BMPR1B: variants seen among roughly 807,000 people sequenced by gnomAD.
BMPR1B encodes the protein bone morphogenetic protein receptor type 1B.
A neutral mutation model predicts 59.1 loss-of-function variants in BMPR1B; 12 were observed. The ratio of observed to expected loss-of-function variants is 0.20; its 90% CI spans 0.13 to 0.33. The LOEUF is 0.33. Ranked by LOEUF, BMPR1B falls within the 10% of genes least tolerant of loss-of-function variation. The pLI is 1.00. For missense variants in BMPR1B, 550 were observed against 610.9 expected (o/e 0.90, Z 1.05); for synonymous variants, 237 against 207.3 (o/e 1.14, Z -1.23).
chr4:94,870,722 C>T (rs1726454416), intron 1 of BMPR1B, among the ~76,000 whole-genome samples: 1 of 152,062 alleles, frequency 6.6e-6, no homozygotes, highest in Non-Finnish European at 1.5e-5. Flanking sequence ...CAAAAATTAG[C>T]CTCTATTAGC....
At chr4:95,042,103 G>T (rs529435031) in intron 3 of BMPR1B, among the ~76,000 whole-genome samples, 1 of 152,036 alleles carries the variant, frequency 6.6e-6, no homozygotes, top group Non-Finnish European at 1.5e-5. Flanking sequence ...TGATCCACCC[G>T]CCTCGGCCTC....
chr4:95,026,166 T>TTCTTTCTTTCTTTC (rs1421730449), intron 3 of BMPR1B, among the ~76,000 whole-genome samples: 1 of 30,508 alleles, frequency 3.3e-5, no homozygotes, highest in Admixed American at 4.0e-4. Flanking sequence ...TTCTTTCTCT[T>TTCTTTCTTTCTTTC]TTTCTCTTTC....
At chr4:95,140,275 A>G (rs1046204665) in intron 10 of BMPR1B, among the ~76,000 whole-genome samples, 1 of 152,158 alleles carries the variant, frequency 6.6e-6, no homozygotes, top group Non-Finnish European at 1.5e-5. Context: ...TTAACTTTTA[A>G]TGGATAAATG....
intron 1 of BMPR1B, among the ~76,000 whole-genome samples, chr4:94,860,516 A>G (rs756119135): frequency 6.6e-6 from 1 of 152,202 alleles, no homozygotes; most frequent in Non-Finnish European, 1.5e-5. Context: ...GAAAATTTTT[A>G]AAAACTGAGG....
intron 3 of BMPR1B, among the ~76,000 whole-genome samples, chr4:95,066,876 G>A (rs1727848720): frequency 6.6e-6 from 1 of 152,168 alleles, no homozygotes; most frequent in Non-Finnish European, 1.5e-5. Flanking sequence ...TCAATGGCAG[G>A]TGAATAACAG....
chr4:95,089,895 G>A (rs1362793190), intron 3 of BMPR1B, among the ~76,000 whole-genome samples: 2 of 151,960 alleles, frequency 1.3e-5, no homozygotes, highest in African/African-American at 4.8e-5. Flanking sequence ...ATATATCCAG[G>A]TTCCAATTCA....
At chr4:94,802,108 T>C (rs1439052792) in intron 1 of BMPR1B, among the ~76,000 whole-genome samples, 2 of 152,178 alleles carry the variant, frequency 1.3e-5, no homozygotes, top group Non-Finnish European at 2.9e-5. Flanking sequence ...AAGAAGTGTT[T>C]TGTATTTAGT....
intron 2 of BMPR1B, among the ~76,000 whole-genome samples, chr4:94,937,982 G>A (rs1335022756): frequency 1.3e-5 from 2 of 152,130 alleles, no homozygotes; most frequent in African/African-American, 2.4e-5. Flanking sequence ...TAGTGTAAAG[G>A]CAGATGTTGA....
intron 2 of BMPR1B, among the ~76,000 whole-genome samples, chr4:94,890,494 A>T (rs887486241): frequency 2.0e-5 from 3 of 152,152 alleles, no homozygotes; most frequent in Non-Finnish European, 4.4e-5. Context: ...ACATGAGTGT[A>T]ATTATGACCT....
chr4:94,767,483 CAGTA>C (rs1160227438), intron 1 of BMPR1B, among the ~76,000 whole-genome samples: 5 of 152,118 alleles, frequency 3.3e-5, no homozygotes, highest in African/African-American at 1.2e-4. Flanking sequence ...ATAAATGTGT[CAGTA>C]AGTTGTTTTC....
At chr4:94,921,559 A>G (rs896397156) in intron 2 of BMPR1B, among the ~76,000 whole-genome samples, 2 of 152,056 alleles carry the variant, frequency 1.3e-5, no homozygotes, top group South Asian at 2.1e-4. Context: ...GAGGTACTCC[A>G]CACTTTTAAA....
chr4:95,120,920 C>T (rs949309235), intron 6 of BMPR1B, among the ~76,000 whole-genome samples: 1 of 151,884 alleles, frequency 6.6e-6, no homozygotes, highest in Non-Finnish European at 1.5e-5. Flanking sequence ...GCAATTCTCC[C>T]GACTCAGCCT....
At chr4:94,827,483 G>A (rs17022328) in intron 1 of BMPR1B, among the ~76,000 whole-genome samples, 42,143 of 151,914 alleles carry the variant, frequency 0.28, 6,345 homozygotes, top group East Asian at 0.4. Flanking sequence ...TCTTGATACA[G>A]GTTCAACAAA....
intron 2 of BMPR1B, among the ~76,000 whole-genome samples, chr4:94,983,873 C>A (rs1157102706): frequency 6.6e-6 from 1 of 152,276 alleles, no homozygotes; most frequent in Admixed American, 6.5e-5. Flanking sequence ...TAGCTTTTAG[C>A]CTCACTGGGA....
chr4:94,869,505 C>G (rs561498730), intron 1 of BMPR1B, among the ~76,000 whole-genome samples: 1 of 152,244 alleles, frequency 6.6e-6, no homozygotes, highest in East Asian at 1.9e-4. Flanking sequence ...TTATGCTATT[C>G]AGATAACATG....
chr4:95,022,048 G>T (rs1270521099), intron 3 of BMPR1B, among the ~76,000 whole-genome samples: 2 of 152,170 alleles, frequency 1.3e-5, no homozygotes, highest in Non-Finnish European at 2.9e-5. Flanking sequence ...GAAGAAATAG[G>T]ACGGGCGCAG....
chr4:95,041,578 CAG>C (rs1725655404), intron 3 of BMPR1B, among the ~76,000 whole-genome samples: 1 of 151,098 alleles, frequency 6.6e-6, no homozygotes, highest in Non-Finnish European at 1.5e-5. Flanking sequence ...ACCAGCCTCC[CAG>C]ATTCTTGGAG....
At chr4:95,142,244 G>A (rs1166429534) in intron 10 of BMPR1B, among the ~76,000 whole-genome samples, 1 of 152,138 alleles carries the variant, frequency 6.6e-6, no homozygotes, top group Admixed American at 6.5e-5. Context: ...CTATCTCCAG[G>A]ATGCCACAGG....
At chr4:94,973,889 A>T (rs1730908488) in intron 2 of BMPR1B, among the ~76,000 whole-genome samples, 1 of 152,174 alleles carries the variant, frequency 6.6e-6, no homozygotes, top group African/African-American at 2.4e-5. Flanking sequence ...CTTGAAATTT[A>T]TGGTCCTTGC....
Sources: allele counts gnomAD v4.1 joint callset (sites outside exome capture counted in the v4.1 genomes callset), GRCh38; gene constraint gnomAD v4.1.1; transcripts MANE v1.5; gene names NCBI Gene and HGNC (gene_info 2026-07-23, HGNC 2026-07-21).